Variants in CDYL observed in about 807,000 individuals in gnomAD.
CDYL encodes the protein chromodomain Y-like protein.
In CDYL, 8 loss-of-function variants were observed where a neutral mutation model predicts 47.3. The ratio of observed to expected loss-of-function variants is 0.17; its 90% confidence interval spans 0.10 to 0.31. The LOEUF (loss-of-function observed/expected upper bound fraction) is 0.31. Ranked by LOEUF, CDYL falls within the 10% of genes least tolerant of loss-of-function variation. The pLI is 1.00. For synonymous variants in CDYL, 266 were observed against 265.0 expected (o/e 1.00, Z -0.04); for missense variants, 471 against 701.4 (o/e 0.67, Z 3.71).
chr6:4,756,286 A>G (rs559012659), intron 3 of CDYL, among the ~76,000 whole-genome samples: 1 of 152,206 alleles, frequency 6.6e-6, no homozygotes, highest in Admixed American at 6.5e-5. Context: ...TTCGACTCCA[A>G]CCTACTTTTC....
chr6:4,844,857 A>G (rs1286464241), intron 1 of CDYL, among the ~76,000 whole-genome samples: 3 of 152,208 alleles, frequency 2.0e-5, no homozygotes, highest in African/African-American at 7.2e-5. Flanking sequence ...TTTTCATAAG[A>G]ACTGTCTAAA....
intron 1 of CDYL, among the ~76,000 whole-genome samples, chr6:4,846,648 C>T (rs137859818): frequency 1.9e-3 from 295 of 152,074 alleles, no homozygotes; most frequent in African/African-American, 5.5e-3. Context: ...GAACTCTGTT[C>T]GCTGTATGTG....
At chr6:4,918,647 C>T (rs756887573) in intron 2 of CDYL, among the ~76,000 whole-genome samples, 4 of 152,136 alleles carry the variant, frequency 2.6e-5, no homozygotes, top group Non-Finnish European at 4.4e-5. Context: ...TAAAGATTGA[C>T]CGCGCTTGAA....
chr6:4,831,866 G>A (rs1388374564), intron 1 of CDYL, among the ~76,000 whole-genome samples: 12 of 151,864 alleles, frequency 7.9e-5, no homozygotes, highest in African/African-American at 2.7e-4. Context: ...TCATGATTTG[G>A]CTCTCTGTTT....
At chr6:4,829,528 G>A (rs966234165) in intron 1 of CDYL, among the ~76,000 whole-genome samples, 2 of 152,194 alleles carry the variant, frequency 1.3e-5, no homozygotes, top group Non-Finnish European at 2.9e-5. Flanking sequence ...CTTTCTGAGC[G>A]TGCATCTTGC....
intron 1 of CDYL, among the ~76,000 whole-genome samples, chr6:4,887,709 C>G (rs1335205949): frequency 1.3e-5 from 2 of 152,060 alleles, no homozygotes; most frequent in Non-Finnish European, 2.9e-5. Context: ...CCAAAACTAG[C>G]TAGAACTCCA....
At chr6:4,866,227 G>A (rs867605378) in intron 1 of CDYL, among the ~76,000 whole-genome samples, 13 of 152,122 alleles carry the variant, frequency 8.5e-5, no homozygotes, top group African/African-American at 3.1e-4. Flanking sequence ...ACAGAAGAGT[G>A]AATACAGTTA....
intron 1 of CDYL, among the ~76,000 whole-genome samples, chr6:4,858,114 G>C (rs808612): frequency 6.6e-6 from 1 of 151,232 alleles, no homozygotes; most frequent in Non-Finnish European, 1.5e-5. Flanking sequence ...AATGCAAGAA[G>C]TTCAACTAGG....
intron 1 of CDYL, among the ~76,000 whole-genome samples, chr6:4,862,963 A>G (rs1020686059): frequency 1.1e-4 from 17 of 152,224 alleles, no homozygotes; most frequent in African/African-American, 4.1e-4. Context: ...AGTGCCTATC[A>G]ACAGTGTACT....
chr6:4,884,086 A>G (rs188431300), intron 1 of CDYL, among the ~76,000 whole-genome samples: 1 of 152,364 alleles, frequency 6.6e-6, no homozygotes, highest in African/African-American at 2.4e-5. Flanking sequence ...AAAGTGATCC[A>G]TAAAAGCATC....
rs555181486 is a variant in CDYL, at chr6:4,723,261, T to C, written c.103+7380T>C. 3.3e-5 allele frequency among the ~76,000 whole-genome samples: 5 copies of C among 152,314 alleles called. No individual in the cohort carries two copies. In the East Asian group the frequency reaches 7.7e-4, roughly 24 times the overall value. On this transcript the variant is annotated intron_variant, in intron 2 of 8. Transcript: ENST00000328908. ...GAGTACACAGGAGGATGAAGTTTTA[T>C]ACGCATTGACTATGCCATTATATCA...
intron 1 of CDYL, among the ~76,000 whole-genome samples, chr6:4,861,337 G>A (rs1761163034): frequency 6.6e-6 from 1 of 152,244 alleles, no homozygotes; most frequent in South Asian, 2.1e-4. Flanking sequence ...TGGCTGGGGA[G>A]GAGGTGGCCC....
chr6:4,784,496 A>G (rs896765053), intron 1 of CDYL, among the ~76,000 whole-genome samples: 3 of 152,226 alleles, frequency 2.0e-5, no homozygotes, highest in Admixed American at 6.5e-5. Context: ...GATTTACCTG[A>G]TGATATTGAA....
intron 1 of CDYL, among the ~76,000 whole-genome samples, chr6:4,828,199 A>G (rs970778025): frequency 6.9e-6 from 1 of 144,928 alleles, no homozygotes; most frequent in Non-Finnish European, 1.5e-5. Flanking sequence ...CTCAGTTTCA[A>G]CGTTAGTTTG....
At chr6:4,749,642 T>G (rs542764617) in intron 3 of CDYL, among the ~76,000 whole-genome samples, 7 of 152,372 alleles carry the variant, frequency 4.6e-5, no homozygotes, top group African/African-American at 1.7e-4. Context: ...TCCCAGGTTG[T>G]TTTAAAGAAT....
intron 2 of CDYL, among the ~76,000 whole-genome samples, chr6:4,894,969 GTA>G (rs570379438): frequency 0.057 from 5,448 of 95,418 alleles, 355 homozygotes; most frequent in African/African-American, 0.17. Flanking sequence ...ATACGTATGT[GTA>G]TATGTGTATG....
At chr6:4,868,685 G>A (rs944675576) in intron 1 of CDYL, among the ~76,000 whole-genome samples, 6 of 152,102 alleles carry the variant, frequency 3.9e-5, no homozygotes, top group African/African-American at 1.2e-4. Flanking sequence ...TATCATTGCC[G>A]ATTTTCTGTT....
chr6:4,746,908 G>T (rs986042953), intron 3 of CDYL, among the ~76,000 whole-genome samples: 2 of 152,064 alleles, frequency 1.3e-5, no homozygotes, highest in African/African-American at 4.8e-5. Context: ...ACTCTTGGGG[G>T]TCCTGCTCCA....
rs192015933 is a variant in CDYL at position 4,748,636 on chromosome 6, A to G, written c.186+13792A>G. Among the ~76,000 whole-genome samples, 196 of 142,128 alleles carry G rather than the reference A, an allele frequency of 1.4e-3. 1 individual carries two copies. Among genetic ancestry groups the G allele is most frequent in the African/African-American group, 4.9e-3 (189 of 38,852 alleles). The allele number at this position is 142,128 out of a possible 152,430, so 93.2% of individuals were successfully genotyped here. A position where few individuals can be genotyped will look rare whatever the true frequency, so the allele number is the denominator to read the frequency against. ...AGGATAGGAAGACATACATGGTTGGATGGAGAGACTGATGGCAAAGACACA... is the reference window on the plus strand; with the variant it reads ...AGGATAGGAAGACATACATGGTTGGGTGGAGAGACTGATGGCAAAGACACA... On this transcript the variant is annotated intron_variant, in intron 3 of 8. Transcript: ENST00000328908.
Sources: gnomAD v4.1 joint callset for allele counts (sites outside exome capture counted in the v4.1 genomes callset) on GRCh38, gnomAD v4.1.1 for gene constraint, MANE v1.5 for transcripts, NCBI Gene and HGNC (gene_info 2026-07-23, HGNC 2026-07-21) for gene names.